Variants in CELF2 observed in about 807,000 individuals in gnomAD.
CELF2 encodes CUGBP Elav-like family member 2.
CELF2 carries 8 observed loss-of-function variants against 62.6 expected under a neutral mutation model. That is an observed-to-expected ratio of 0.13 (90% CI 0.07 to 0.23). The LOEUF (loss-of-function observed/expected upper bound fraction) is 0.23, where lower values mean the gene tolerates loss of function less well. CELF2 is among the 10% of genes least tolerant of loss of function. The pLI is 1.00. For synonymous variants in CELF2, 258 were observed against 250.0 expected, an observed-to-expected ratio of 1.03 and a Z score of -0.30; for missense variants, 333 against 671.0, an observed-to-expected ratio of 0.50 and a Z score of 5.56.
rs2078500731 is a variant in CELF2, at chr10:11,255,669, G to A, written c.404-2069G>A. Among the ~76,000 whole-genome samples, 1 of 152,128 alleles carries A rather than the reference G, an allele frequency of 6.6e-6. No individual in the cohort carries two copies. The highest frequency in any genetic ancestry group is 1.5e-5 in the Non-Finnish European group (1 of 68,026). ...ACAGTGGGGAGAGAGCTGGGTGGAA[G>A]GGATTCTGACCCCCCACTCACCGTC... is the stretch of plus-strand genomic sequence containing the variant. On this transcript the variant is annotated intron_variant, in intron 4 of 12. Transcript: ENST00000633077. The surrounding 1 kb of genome is among the most constrained non-coding windows in gnomAD (Gnocchi z 5.5).
the CELF2 span, among the ~76,000 whole-genome samples, chr10:10,546,315 G>A: frequency 1.3e-5 from 2 of 152,170 alleles, no homozygotes; most frequent in African/African-American, 2.4e-5. Flanking sequence ...TTCTGATAAG[G>A]CATGTATAAA....
At chr10:11,158,418 C>G (rs1212965912) in intron 1 of CELF2, among the ~76,000 whole-genome samples, 1 of 152,156 alleles carries the variant, frequency 6.6e-6, no homozygotes, top group Non-Finnish European at 1.5e-5. Flanking sequence ...GTTGCCATTT[C>G]TAAAAGTTCA....
intron 2 of CELF2, among the ~76,000 whole-genome samples, chr10:10,984,834 A>G (rs1409157160): frequency 2.6e-5 from 4 of 152,228 alleles, no homozygotes; most frequent in Non-Finnish European, 4.4e-5. Flanking sequence ...AGTGAAGCAC[A>G]TTCATACCTT....
intron 2 of CELF2, among the ~76,000 whole-genome samples, chr10:10,953,281 C>T (rs947079763): frequency 2.0e-5 from 3 of 152,208 alleles, no homozygotes; most frequent in East Asian, 1.9e-4. Flanking sequence ...ATTTCAGAAA[C>T]TTTCACTCTA....
rs56167230 is a variant in CELF2 at position 11,228,718 on chromosome 10, CAAAAAAAAAAAAA to C, written c.354+11226_354+11238del. On this transcript the variant is annotated intron_variant, in intron 3 of 12. Coordinates refer to ENST00000633077, the MANE Select transcript of CELF2 (RefSeq NM_001326342.2). ...TCACAACCCCCACCCGCGCCCCTCG[CAAAAAAAAAAAAA>C]AAAAAAAAAAAAAACTTGGAACCAC... Among the ~76,000 whole-genome samples, 315 of 135,152 alleles carry C rather than the reference CAAAAAAAAAAAAA, an allele frequency of 2.3e-3. 2 individuals are homozygous for C. Among genetic ancestry groups the C allele is most frequent in the African/African-American group, 5.2e-3 (183 of 34,860 alleles). The allele number at this position is 135,152 out of a possible 152,430, so 88.7% of individuals were successfully genotyped here.
rs750292181 is a variant in CELF2, at chr10:11,285,170, C to T, written c.842-3248C>T. ...ATGGATGGATGGGCAGATAGATGGA[C>T]GAGCAAATATGGATCCGCCTCCTTG... is the stretch of plus-strand genomic sequence containing the variant. On this transcript the variant is annotated intron_variant, in intron 8 of 12. Transcript: ENST00000633077. The surrounding 1 kb of genome is among the most constrained non-coding windows in gnomAD (Gnocchi z 4.3). 5.9e-5 allele frequency among the ~76,000 whole-genome samples: 9 copies of T among 151,902 alleles called. No individual in the cohort carries two copies. The highest frequency in any genetic ancestry group is 8.8e-5 in the Non-Finnish European group (6 of 67,952).
intron 1 of CELF2, among the ~76,000 whole-genome samples, chr10:11,089,013 G>A (rs1047440006): frequency 1.3e-5 from 2 of 152,204 alleles, no homozygotes; most frequent in African/African-American, 2.4e-5. Context: ...GCGAGCTTCT[G>A]TAGGGGGGAG....
intron 1 of CELF2, among the ~76,000 whole-genome samples, chr10:10,886,654 C>T (rs1325163636): frequency 6.6e-6 from 1 of 152,156 alleles, no homozygotes; most frequent in Non-Finnish European, 1.5e-5. Context: ...CTAGGCAATA[C>T]AGTGAGACAC....
At chr10:11,127,047 GC>G (rs1171582026) in intron 1 of CELF2, among the ~76,000 whole-genome samples, 2 of 151,862 alleles carry the variant, frequency 1.3e-5, no homozygotes, top group African/African-American at 4.8e-5. Flanking sequence ...CTGTCTGCCA[GC>G]CCCCCGCCTC....
chr10:10,561,040 G>A, the CELF2 span, among the ~76,000 whole-genome samples: 3 of 152,064 alleles, frequency 2.0e-5, no homozygotes, highest in South Asian at 6.2e-4. Flanking sequence ...GGGGGTGACA[G>A]ATAAAAGATA....
chr10:10,671,148 A>C, the CELF2 span, among the ~76,000 whole-genome samples: 1 of 144,910 alleles, frequency 6.9e-6, no homozygotes, highest in Admixed American at 7.0e-5. Flanking sequence ...CCTGGGTGAT[A>C]CTGTGAGATC....
intron 2 of CELF2, chr10:10,927,357 A>AACAAAAAC (rs1054096582): frequency 2.0e-5 from 3 of 149,488 alleles, no homozygotes; most frequent in South Asian, 2.1e-4. Context: ...AAAAAAAAAA[A>AACAAAAAC]AAAAAAAAAC....
the CELF2 span, among the ~76,000 whole-genome samples, chr10:10,681,279 T>C: frequency 6.6e-6 from 1 of 152,228 alleles, no homozygotes; most frequent in Non-Finnish European, 1.5e-5. Flanking sequence ...TTTAATGGTC[T>C]GAAAAGTTAG....
chr10:11,090,030 G>A (rs976456906), intron 1 of CELF2, among the ~76,000 whole-genome samples: 3 of 152,174 alleles, frequency 2.0e-5, no homozygotes, highest in Non-Finnish European at 4.4e-5. Flanking sequence ...AAAGAGTTGG[G>A]AGGAAGGGAA....
intron 1 of CELF2, among the ~76,000 whole-genome samples, chr10:10,884,234 T>G (rs1163882549): frequency 1.3e-5 from 2 of 152,158 alleles, no homozygotes; most frequent in African/African-American, 4.8e-5. Context: ...AGTGACTCTA[T>G]GAAGAACAGC....
chr10:10,707,160 C>T, the CELF2 span, among the ~76,000 whole-genome samples: 1 of 152,158 alleles, frequency 6.6e-6, no homozygotes, highest in Non-Finnish European at 1.5e-5. Flanking sequence ...AATGCTGGCT[C>T]TTTGAGTGTG....
chr10:11,026,788 G>A (rs1392052347), intron 1 of CELF2, among the ~76,000 whole-genome samples: 1 of 152,206 alleles, frequency 6.6e-6, no homozygotes, highest in East Asian at 1.9e-4. Flanking sequence ...TTAGTTCTCA[G>A]GGTTGGAGCC....
At chr10:11,226,915 T>G (rs2066834667) in intron 3 of CELF2, among the ~76,000 whole-genome samples, 1 of 152,216 alleles carries the variant, frequency 6.6e-6, no homozygotes, top group Non-Finnish European at 1.5e-5. Context: ...TTGACATTCA[T>G]GTTATTAGGG....
chr10:10,547,179 C>T, the CELF2 span, among the ~76,000 whole-genome samples: 1 of 151,252 alleles, frequency 6.6e-6, no homozygotes, highest in African/African-American at 2.4e-5. Context: ...CTTGGGGAGA[C>T]AACTGTTTTG....
Sources: gnomAD v4.1 joint callset for allele counts (sites outside exome capture counted in the v4.1 genomes callset) on GRCh38, gnomAD v4.1.1 for gene constraint, Gnocchi (gnomAD v3.1) non-coding constraint, MANE v1.5 for transcripts, NCBI Gene and HGNC (gene_info 2026-07-23, HGNC 2026-07-21) for gene names.